The following FADS3 variants were observed in gnomAD, a reference collection of about 807,000 sequenced individuals.
The protein encoded by FADS3 is cytochrome b5-related protein.
FADS3 carries 30 observed loss-of-function variants against 60.4 expected under a neutral mutation model. The ratio of observed to expected loss-of-function variants is 0.50; its 90% CI spans 0.37 to 0.67. The LOEUF is 0.67. Among genes scored for constraint, FADS3 ranks in the 30% least tolerant of loss-of-function variants. The pLI, the probability that FADS3 is intolerant of heterozygous loss-of-function variation, is 0.00. For synonymous variants in FADS3, 234 were observed against 249.3 expected (o/e 0.94, Z 0.58); for missense variants, 432 against 598.3 (o/e 0.72, Z 2.90).
At chr11:61,890,945 A>T (rs1352919708) in intron 1 of FADS3, among the ~76,000 whole-genome samples, 2 of 152,130 alleles carry the variant, frequency 1.3e-5, no homozygotes, top group East Asian at 3.9e-4. Flanking sequence ...TCCCCCGCAG[A>T]CCTGCTCCGT....
chr11:61,874,205 G>A (rs1354618260), intron 11 of FADS3, among the ~76,000 whole-genome samples: 1 of 152,210 alleles, frequency 6.6e-6, no homozygotes, highest in Non-Finnish European at 1.5e-5. Flanking sequence ...GGACAGAGAG[G>A]ACGTGGAACC....
At chr11:61,888,404 GCCCAAC>G (rs1938383822) in intron 1 of FADS3, among the ~76,000 whole-genome samples, 1 of 152,216 alleles carries the variant, frequency 6.6e-6, no homozygotes, top group Admixed American at 6.5e-5. Flanking sequence ...CACTGGGCTG[GCCCAAC>G]CCCTGGTCTA....
In FADS3 at chr11:61,885,410, A is replaced by C. The variant is rs539866905; in HGVS notation, c.214-5259T>G. Reference sequence around the variant, plus strand: ...CTGGGAGGATGCAGTCGGTGGCGCTAAAGCACTTAGAAGGGGCCTGGCGGT... The same window carrying C: ...CTGGGAGGATGCAGTCGGTGGCGCTCAAGCACTTAGAAGGGGCCTGGCGGT... On this transcript the variant is annotated intron_variant, in intron 1 of 11. Transcript: ENST00000278829. Among the ~76,000 whole-genome samples the C allele has an allele frequency of 4.1e-4, 63 of 152,270 alleles. No homozygotes were observed. The Middle Eastern group carries it at 0.017, about 41-fold the overall frequency.
chr11:61,877,338 G>A lies in FADS3; in HGVS notation c.885+173C>T. On this transcript the variant is annotated intron_variant, in intron 7 of 11. Coordinates refer to ENST00000278829, the MANE Select transcript of FADS3 (RefSeq NM_021727.5). This position sits in a 1 kb window ranked among gnomAD's most constrained non-coding sequence, Gnocchi z 4.7. ...CACACGTACAGTCACGGGCACACTC[G>A]CTCTCCTGCTGCGCGCACACATGTG... The A allele has an allele frequency of 3.8e-6, 2 of 528,572 alleles. No individual in the cohort carries two copies. Among genetic ancestry groups the A allele is most frequent in the Non-Finnish European group, 6.6e-6 (2 of 301,724 alleles). The allele number at this position is 528,572 out of a possible 1,614,324, so 32.7% of individuals were successfully genotyped here. A position where few individuals can be genotyped will look rare whatever the true frequency, so the allele number is the denominator to read the frequency against.
At chr11:61,890,745 G>A (rs373006683) in intron 1 of FADS3, among the ~76,000 whole-genome samples, 3 of 151,972 alleles carry the variant, frequency 2.0e-5, no homozygotes, top group Non-Finnish European at 2.9e-5. Context: ...ACCTCAGGCC[G>A]GCCCAGCCCC....
chr11:61,891,019 T>A, intron 1 of FADS3, 150 bp downstream of exon 1: 1 of 711,796 alleles, frequency 1.4e-6, no homozygotes, highest in Non-Finnish European at 2.3e-6. Flanking sequence ...CCCTGGCTAG[T>A]CCACCCCAAC....
At chr11:61,880,187 C>G in intron 1 of FADS3, 36 bp from the exon 2 acceptor site, 3 of 1,569,052 alleles carry the variant, frequency 1.9e-6, no homozygotes, top group African/African-American at 1.3e-5. Flanking sequence ...GACAGACAGA[C>G]ACAGCTGAGT....
chr11:61,881,047 C>T (rs1256772646), intron 1 of FADS3: 1 of 152,120 alleles, frequency 6.6e-6, no homozygotes, highest in South Asian at 2.1e-4. Flanking sequence ...CATGGTGGCT[C>T]ACATCTGTAA....
intron 1 of FADS3, chr11:61,881,883 A>G (rs1412219480): frequency 6.6e-6 from 1 of 152,080 alleles, no homozygotes; most frequent in African/African-American, 2.4e-5. Context: ...TGGCTCACTC[A>G]TTACAGAGGA....
intron 11 of FADS3, among the ~76,000 whole-genome samples, chr11:61,875,412 T>C (rs1444305122): frequency 5.0e-4 from 43 of 85,558 alleles, no homozygotes; most frequent in African/African-American, 1.7e-3. Flanking sequence ...TTTTTTTTTT[T>C]AGTAGAGACG....
At position 61,876,343 on chromosome 11, in the gene FADS3, C is replaced by T. The variant is rs752851826; in HGVS notation, c.1080+16G>A. 1 of 1,611,302 alleles carries T rather than the reference C, an allele frequency of 6.2e-7. No individual in the cohort carries two copies. The highest frequency in any genetic ancestry group is 2.2e-5 in the East Asian group (1 of 44,822). On this transcript the variant is annotated intron_variant, in intron 9 of 11. Coordinates refer to ENST00000278829, the MANE Select transcript of FADS3 (RefSeq NM_021727.5). The surrounding 1 kb of genome is among the most constrained non-coding windows in gnomAD (Gnocchi z 5.7). The stretch of plus-strand genomic sequence containing the variant: ...CCCCCACCCCACCCAGGATGGGCCC[C>T]ACCCCTGCTGCCCACCTGAGAGCTG...
In FADS3 at chr11:61,875,990, G is replaced by C. The variant is rs372056931; in HGVS notation, c.1161-14C>G. The C allele has an allele frequency of 1.2e-6, 2 of 1,613,336 alleles. No homozygotes were observed. The highest frequency in any genetic ancestry group is 2.7e-5 in the African/African-American group (2 of 74,938). ...CTGGGGAAGAGGCTGGGGGTGGGGAGCGTATGCTGGCACCTGAAGTGGGAG... is the reference window on the plus strand; with the variant it reads ...CTGGGGAAGAGGCTGGGGGTGGGGACCGTATGCTGGCACCTGAAGTGGGAG... On this transcript the variant is annotated splice_polypyrimidine_tract_variant and intron_variant, in intron 10 of 11. Transcript: ENST00000278829.
chr11:61,876,788 GA>G lies in FADS3; in HGVS notation c.983+77del, dbSNP rs769441383. ...ACCACTGGCCCCATTCTGCAGACGG[GA>G]AAAGGGAAGCTCTGGTGGGGGGCTG... On this transcript the variant is annotated intron_variant, in intron 8 of 11. Coordinates refer to ENST00000278829, the MANE Select transcript of FADS3 (RefSeq NM_021727.5). The surrounding 1 kb of genome is among the most constrained non-coding windows in gnomAD (Gnocchi z 5.7). 2 of 1,171,254 alleles carry G rather than the reference GA, an allele frequency of 1.7e-6. No homozygotes were observed. Among genetic ancestry groups the G allele is most frequent in the Non-Finnish European group, 2.5e-6 (2 of 801,808 alleles). The allele number at this position is 1,171,254 out of a possible 1,614,324, so 72.6% of individuals were successfully genotyped here. A position where few individuals can be genotyped will look rare whatever the true frequency, so the allele number is the denominator to read the frequency against.
In FADS3 at chr11:61,887,652, T is replaced by C. The variant is rs1287333964; in HGVS notation, c.213+3517A>G. ...CGGTCCCACCTCTGAGCCTTTGCTC[T>C]AGCTGATCCCTCTGCTGTGAACTCA... On this transcript the variant is annotated intron_variant, in intron 1 of 11. Transcript: ENST00000278829. Among the ~76,000 whole-genome samples, 4 of 152,248 alleles carry C rather than the reference T, an allele frequency of 2.6e-5. No homozygotes were observed. The East Asian group carries it at 5.8e-4, about 22-fold the overall frequency.
intron 1 of FADS3, among the ~76,000 whole-genome samples, chr11:61,885,762 G>T (rs1938292828): frequency 6.6e-6 from 1 of 152,136 alleles, no homozygotes; most frequent in Admixed American, 6.5e-5. Context: ...GGGCTCAGGT[G>T]GTCGGGGTCT....
intron 1 of FADS3, among the ~76,000 whole-genome samples, chr11:61,888,532 C>A (rs1441906506): frequency 6.6e-6 from 1 of 152,232 alleles, no homozygotes; most frequent in Non-Finnish European, 1.5e-5. Flanking sequence ...GGCTGTGGGG[C>A]CTTGAGGGAG....
At chr11:61,879,208 T>C in intron 3 of FADS3, 104 bp downstream of exon 3, 2 of 1,011,658 alleles carry the variant, frequency 2.0e-6, no homozygotes, top group South Asian at 1.5e-5. Flanking sequence ...CATCCTTTCA[T>C]AGGTCCATTC....
At chr11:61,883,997 T>G (rs1251156141) in intron 1 of FADS3, among the ~76,000 whole-genome samples, 1 of 152,216 alleles carries the variant, frequency 6.6e-6, no homozygotes. Flanking sequence ...ACCCTGGGGC[T>G]GTGCTTCTCA....
rs9666847 is a variant in FADS3, at chr11:61,876,897, G to A, written c.952C>T (p.Pro318Ser). The change falls in exon 8 of 12, where the codon CCT (proline) becomes TCT (serine). Residue 318 changes from proline to serine, a missense_variant. Coordinates refer to ENST00000278829, the MANE Select transcript of FADS3 (RefSeq NM_021727.5). This position sits in a 1 kb window ranked among gnomAD's most constrained non-coding sequence, Gnocchi z 5.7. Reference sequence around the variant, plus strand: ...GCAACAAAGAAGAGCAGCACCCCAGGGACGCCGTAGAAGGGGAGGTAGGAT... The same window carrying A: ...GCAACAAAGAAGAGCAGCACCCCAGAGACGCCGTAGAAGGGGAGGTAGGAT... ...FLSYLPFYGV[P>S]GVLLFFVAVR... 3.9e-5 allele frequency: 63 copies of A among 1,610,932 alleles called. No individual in the cohort carries two copies. Among genetic ancestry groups the A allele is most frequent in the African/African-American group, 5.3e-5 (4 of 74,892 alleles).
Sources: gnomAD v4.1 joint callset for allele counts (sites outside exome capture counted in the v4.1 genomes callset) on GRCh38, gnomAD v4.1.1 for gene constraint, Gnocchi (gnomAD v3.1) non-coding constraint, MANE v1.5 for transcripts, NCBI Gene and HGNC (gene_info 2026-07-23, HGNC 2026-07-21) for gene names.